Variants in CYP4X1 observed in about 807,000 individuals in gnomAD.
CYP4X1 encodes the protein cytochrome P450 4X1.
In CYP4X1, 44 loss-of-function variants were observed where a neutral mutation model predicts 57.9. The ratio of observed to expected loss-of-function variants is 0.76; its 90% CI spans 0.60 to 0.98. The LOEUF (loss-of-function observed/expected upper bound fraction) is 0.98. CYP4X1 is among the 50% of genes least tolerant of loss of function. The pLI, the probability that CYP4X1 is intolerant of heterozygous loss-of-function variation, is 0.00. For missense variants in CYP4X1, 532 were observed against 623.9 expected (o/e 0.85, Z 1.57); for synonymous variants, 227 against 228.6 (o/e 0.99, Z 0.06).
chr1:46,967,823 TG>T, the CYP4X1 span: 1 of 1,323,366 alleles, frequency 7.6e-7, no homozygotes, highest in Non-Finnish European at 9.9e-7. Flanking sequence ...GTCAGGGCCA[TG>T]GCCACCTTTA....
chr1:47,052,084 T>C (rs569800512), downstream of CYP4X1, among the ~76,000 whole-genome samples: 6 of 152,312 alleles, frequency 3.9e-5, no homozygotes, highest in South Asian at 1.0e-3. Flanking sequence ...TTAACAATTA[T>C]GTTCCCTGGT....
chr1:46,974,103 T>G, the CYP4X1 span, among the ~76,000 whole-genome samples: 63 of 152,300 alleles, frequency 4.1e-4, 2 homozygotes, highest in East Asian at 8.5e-3. Context: ...GTCCCAGAGA[T>G]TCTCATATGT....
the CYP4X1 span, among the ~76,000 whole-genome samples, chr1:47,008,322 TA>T: frequency 6.6e-6 from 1 of 152,174 alleles, no homozygotes; most frequent in African/African-American, 2.4e-5. Flanking sequence ...CCAGCCAAAC[TA>T]AACTTCATAA....
chr1:47,007,368 T>C, the CYP4X1 span, among the ~76,000 whole-genome samples: 6 of 152,226 alleles, frequency 3.9e-5, no homozygotes, highest in African/African-American at 1.4e-4. Flanking sequence ...CTGAGGGTCC[T>C]GACTGTTAGA....
chr1:47,008,878 A>G, the CYP4X1 span, among the ~76,000 whole-genome samples: 1 of 152,232 alleles, frequency 6.6e-6, no homozygotes, highest in Non-Finnish European at 1.5e-5. Context: ...TAACTATCCT[A>G]AATATATATG....
At chr1:47,032,746 A>C (rs142236918) in intron 3 of CYP4X1, among the ~76,000 whole-genome samples, 1 of 152,274 alleles carries the variant, frequency 6.6e-6, no homozygotes, top group African/African-American at 2.4e-5. Flanking sequence ...TATGTTCATC[A>C]TATAGTTTAT....
chr1:46,991,560 A>G, the CYP4X1 span, among the ~76,000 whole-genome samples: 3 of 152,290 alleles, frequency 2.0e-5, no homozygotes, highest in East Asian at 3.9e-4. Context: ...GGAGCTGTAT[A>G]CACTTAGTGG....
chr1:46,984,024 A>T, the CYP4X1 span, among the ~76,000 whole-genome samples: 1 of 150,294 alleles, frequency 6.7e-6, no homozygotes, highest in East Asian at 2.0e-4. Flanking sequence ...AGTGCTCAGG[A>T]GTACAAGGCC....
chr1:47,008,675 A>T, the CYP4X1 span, among the ~76,000 whole-genome samples: 18 of 152,308 alleles, frequency 1.2e-4, no homozygotes, highest in African/African-American at 3.8e-4. Flanking sequence ...TATTCAGGAA[A>T]CCCATCTCAT....
chr1:46,995,243 TAA>T, the CYP4X1 span, among the ~76,000 whole-genome samples: 48 of 152,324 alleles, frequency 3.2e-4, no homozygotes, highest in Admixed American at 2.9e-3. Context: ...CTAATAGATT[TAA>T]GTCATTCTTT....
chr1:47,044,845 C>T (rs569443117), intron 8 of CYP4X1, among the ~76,000 whole-genome samples: 186 of 150,276 alleles, frequency 1.2e-3, no homozygotes, highest in African/African-American at 4.0e-3. Flanking sequence ...TTTCTGAGAC[C>T]GAGTTTCACT....
In CYP4X1 at chr1:47,050,035, T is replaced by TA. The variant is rs1557613112; in HGVS notation, c.1394dup (p.Val466GlyfsTer43). 1 of 1,614,096 alleles carries TA rather than the reference T, an allele frequency of 6.2e-7. No individual in the cohort carries two copies. On this transcript the variant is annotated frameshift_variant, in exon 12 of 12. Transcript: ENST00000371901. LOFTEE classifies it low-confidence loss of function (END_TRUNC). ...GGGCAGGAGTTTGCCATGATTGAGTTAAAGGTAACCATTGCCTTGATTCTG... is the reference window on the plus strand; with the variant it reads ...GGGCAGGAGTTTGCCATGATTGAGTTAAAAGGTAACCATTGCCTTGATTCTG...
At chr1:46,974,396 T>C in the CYP4X1 span, among the ~76,000 whole-genome samples, 1 of 152,144 alleles carries the variant, frequency 6.6e-6, no homozygotes, top group African/African-American at 2.4e-5. Context: ...GAAGAATGTA[T>C]GTTCTGTTTT....
At chr1:47,025,457 C>T (rs1301117572) in intron 1 of CYP4X1, among the ~76,000 whole-genome samples, 1 of 152,212 alleles carries the variant, frequency 6.6e-6, no homozygotes, top group Non-Finnish European at 1.5e-5. Flanking sequence ...CTATGAACTT[C>T]TTTATGACAG....
intron 6 of CYP4X1, among the ~76,000 whole-genome samples, 199 bp downstream of exon 6, chr1:47,036,370 T>TATATATATATATATATATA (rs1553152516): frequency 0.012 from 1,509 of 129,684 alleles, 39 homozygotes; most frequent in East Asian, 0.034. Flanking sequence ...ATCAGAATTT[T>TATATATATATATATATATA]TATATATATA....
At chr1:46,989,650 G>T in the CYP4X1 span, among the ~76,000 whole-genome samples, 3 of 151,814 alleles carry the variant, frequency 2.0e-5, no homozygotes, top group African/African-American at 7.2e-5. Context: ...ACTTCAAACT[G>T]TACTACAAGG....
At chr1:47,049,258 ACT>A (rs1269039552) in intron 10 of CYP4X1, among the ~76,000 whole-genome samples, 162 bp from the exon 11 acceptor site, 4 of 152,302 alleles carry the variant, frequency 2.6e-5, no homozygotes, top group African/African-American at 9.6e-5. Flanking sequence ...GGTTAAATAA[ACT>A]CTATTAAGAT....
At chr1:47,004,536 G>A in the CYP4X1 span, among the ~76,000 whole-genome samples, 1 of 152,148 alleles carries the variant, frequency 6.6e-6, no homozygotes, top group Non-Finnish European at 1.5e-5. Context: ...AAATTAAGAG[G>A]TTTCCATGTG....
chr1:47,031,899 A>C (rs546192442), intron 3 of CYP4X1, among the ~76,000 whole-genome samples: 1 of 152,166 alleles, frequency 6.6e-6, no homozygotes, highest in South Asian at 2.1e-4. Flanking sequence ...AAAATTAGCC[A>C]GGCATGGTAG....
Sources: allele counts gnomAD v4.1 joint callset (sites outside exome capture counted in the v4.1 genomes callset), GRCh38; gene constraint gnomAD v4.1.1; transcripts MANE v1.5; gene names NCBI Gene and HGNC (gene_info 2026-07-23, HGNC 2026-07-21).